NRIP3: variants seen among roughly 807,000 people sequenced by gnomAD.
NRIP3 encodes the protein nuclear receptor interacting protein 3.
In NRIP3, 31 loss-of-function variants were observed where a neutral mutation model predicts 29.0. That is an observed-to-expected ratio of 1.07 (90% confidence interval 0.80 to 1.44). The LOEUF (loss-of-function observed/expected upper bound fraction) is 1.44, where lower values mean the gene tolerates loss of function less well. Among genes scored for constraint, NRIP3 ranks in the 40% most tolerant of loss-of-function variants. The pLI is 0.00. For missense variants in NRIP3, 314 were observed against 297.9 expected (o/e 1.05, Z -0.40); for synonymous variants, 131 against 118.3 (o/e 1.11, Z -0.70).
In NRIP3 at chr11:9,003,822, C is replaced by A; in HGVS notation, c.114G>T (p.Lys38Asn). The A allele has an allele frequency of 6.6e-7, 1 of 1,521,204 alleles. No homozygotes were observed. Among genetic ancestry groups the A allele is most frequent in the African/African-American group, 1.4e-5 (1 of 69,642 alleles). 94.2% of individuals were successfully genotyped at this position (1,521,204 alleles called of 1,614,324 possible). Residue 38 changes from lysine (K) to asparagine (N), a missense_variant, in exon 1 of 7, where the codon AAG becomes AAT. Physicochemically the swap from Lys to Asn is moderately conservative, Grantham distance 94. Transcript: ENST00000309166. ...RMKQAVQFIHKDSADLLPLDG... is the reference protein window; with the variant it reads ...RMKQAVQFIHNDSADLLPLDG... ...CCAGGGGCAGCAGGTCGGCGGAGTC[C>A]TTGTGGATGAACTGCACCGCCTGCT...
At chr11:8,985,164 ATTT>A (rs35528175) in intron 4 of NRIP3, among the ~76,000 whole-genome samples, 2,083 of 79,330 alleles carry the variant, frequency 0.026, 65 homozygotes, top group African/African-American at 0.096. Flanking sequence ...TGCTCCTTGA[ATTT>A]TTTTTTTTTT....
chr11:8,994,870 CA>C (rs1854673854), intron 1 of NRIP3, among the ~76,000 whole-genome samples: 1 of 152,130 alleles, frequency 6.6e-6, no homozygotes, highest in African/African-American at 2.4e-5. Context: ...TATCTGTTTT[CA>C]TTGCATAAAT....
intron 2 of NRIP3, among the ~76,000 whole-genome samples, 166 bp from the exon 3 acceptor site, chr11:8,987,796 T>C (rs1266612626): frequency 6.6e-6 from 1 of 152,240 alleles, no homozygotes; most frequent in Non-Finnish European, 1.5e-5. Flanking sequence ...TGCCTTTGAC[T>C]GGCTCTTGTT....
intron 1 of NRIP3, among the ~76,000 whole-genome samples, chr11:8,989,975 T>G (rs754006248): frequency 5.3e-5 from 8 of 152,102 alleles, no homozygotes; most frequent in Admixed American, 3.9e-4. Context: ...TTGGTCTTGC[T>G]AAACACTTTA....
At chr11:8,987,708 T>C (rs1854540119) in intron 2 of NRIP3, 78 bp from the exon 3 acceptor site, 8 of 1,096,266 alleles carry the variant, frequency 7.3e-6, no homozygotes, top group Non-Finnish European at 1.1e-5. Context: ...AAGCAGCAGA[T>C]GTCATATGAA....
At chr11:8,989,790 A>C (rs1180277234) in intron 1 of NRIP3, among the ~76,000 whole-genome samples, 1 of 152,116 alleles carries the variant, frequency 6.6e-6, no homozygotes, top group African/African-American at 2.4e-5. Flanking sequence ...TCTCACCAAT[A>C]AGAATGGATT....
At chr11:9,001,873 C>T (rs886668885) in intron 1 of NRIP3, among the ~76,000 whole-genome samples, 3 of 144,520 alleles carry the variant, frequency 2.1e-5, no homozygotes, top group East Asian at 1.9e-4. Context: ...AACTCCATGA[C>T]GGTGGGGCAC....
chr11:8,987,751 G>A, intron 2 of NRIP3, 121 bp from the exon 3 acceptor site: 1 of 775,528 alleles, frequency 1.3e-6, no homozygotes. Flanking sequence ...CCCAATTATG[G>A]GTTATAGTGT....
chr11:9,002,222 G>T (rs1854816484), intron 1 of NRIP3, among the ~76,000 whole-genome samples: 1 of 152,102 alleles, frequency 6.6e-6, no homozygotes, highest in Admixed American at 6.5e-5. Context: ...CTTCTTTATT[G>T]ATTGCTGAGC....
chr11:9,001,937 T>C (rs964629344), intron 1 of NRIP3, among the ~76,000 whole-genome samples: 1 of 152,264 alleles, frequency 6.6e-6, no homozygotes, highest in African/African-American at 2.4e-5. Context: ...TGTGTATGTG[T>C]CATACTCAAG....
chr11:8,983,771 C>T, intron 6 of NRIP3, 104 bp downstream of exon 6: 2 of 1,059,732 alleles, frequency 1.9e-6, no homozygotes, highest in Non-Finnish European at 2.9e-6. Flanking sequence ...AATTGAAAGC[C>T]AAAGACAGGA....
chr11:8,984,273 A>AT (rs1854474134), intron 4 of NRIP3, 149 bp from the exon 5 acceptor site: 1 of 499,492 alleles, frequency 2.0e-6, no homozygotes, highest in Admixed American at 3.7e-5. Context: ...TTTTTTTTTT[A>AT]TTTTTTGAGA....
In NRIP3 at chr11:8,983,888, A is replaced by G; in HGVS notation, c.697T>C (p.Leu233=). ...EEIPFVETVS[L]NEDNTSEA ...TTGGGCACTCACTTGTCTTCATTCA[A>G]AGAGACTGTCTCCACAAAAGGGATT... is the stretch of plus-strand genomic sequence containing the variant. The change falls in exon 6 of 7, where the codon TTG becomes CTG. Residue 233 remains leucine, a synonymous_variant. Coordinates refer to ENST00000309166, the MANE Select transcript of NRIP3 (RefSeq NM_020645.3). 6.2e-7 allele frequency: 1 copy of G among 1,614,090 alleles called. No individual in the cohort carries two copies. Among genetic ancestry groups the G allele is most frequent in the Non-Finnish European group, 8.5e-7 (1 of 1,179,942 alleles).
At chr11:8,986,803 G>C (rs1854527996) in intron 3 of NRIP3, among the ~76,000 whole-genome samples, 1 of 152,166 alleles carries the variant, frequency 6.6e-6, no homozygotes, top group Admixed American at 6.5e-5. Context: ...CAGATTGCTT[G>C]AGCCCAGGAG....
rs2742471 is a variant in NRIP3 at position 8,982,406 on chromosome 11, C to T, written c.*1139G>A. On this transcript the variant is annotated 3_prime_UTR_variant, in exon 7 of 7. Transcript: ENST00000309166. ...TTATCTAGATAGGCCTCTCCACCAA[C>T]TGATTCTACTCAGTCTACTCCCTTC... 0.57 allele frequency: 86,597 copies of T among 152,336 alleles called. 24,801 individuals are homozygous for T. The highest frequency in any genetic ancestry group is 0.77 in the South Asian group (3,695 of 4,830). The allele number at this position is 152,336 out of a possible 1,614,324, so 9.4% of individuals were successfully genotyped here. A position where few individuals can be genotyped will look rare whatever the true frequency, so the allele number is the denominator to read the frequency against.
In NRIP3 at chr11:8,985,783, C is replaced by G; in HGVS notation, c.490G>C (p.Val164Leu). 1 of 1,614,150 alleles carries G rather than the reference C, an allele frequency of 6.2e-7. No individual in the cohort carries two copies. Among genetic ancestry groups the G allele is most frequent in the Non-Finnish European group, 8.5e-7 (1 of 1,180,032 alleles). The change falls in exon 4 of 7, where the codon GTA (valine) becomes CTA (leucine). Residue 164 changes from valine (V) to leucine (L), a missense_variant. By Grantham distance (32) the Val-to-Leu change is conservative. Transcript: ENST00000309166. ...EKLSLPRHLK[V>L]VGQIEHLVIT... ...ACTAGGTGCTCAATCTGGCCCACTA[C>G]TTTGAGATGCCGGGGTAGAGAAAGC...
Position 9,003,940 on chromosome 11 carries a change from G to C in NRIP3, c.-5C>G. ...GAGGAGCCCTGAGTAAAACATCGCT[G>C]AGGCGCCGGCGGCCCGGTAGCCCAC... On this transcript the variant is annotated 5_prime_UTR_variant, in exon 1 of 7. Coordinates refer to ENST00000309166, the MANE Select transcript of NRIP3 (RefSeq NM_020645.3). The C allele has an allele frequency of 6.7e-7, 1 of 1,483,942 alleles. No homozygotes were observed. The highest frequency in any genetic ancestry group is 1.3e-5 in the South Asian group (1 of 78,408). 91.9% of individuals were successfully genotyped at this position (1,483,942 alleles called of 1,614,324 possible).
chr11:8,998,899 T>A (rs1237551787), intron 1 of NRIP3, among the ~76,000 whole-genome samples: 1 of 144,402 alleles, frequency 6.9e-6, no homozygotes, highest in Non-Finnish European at 1.5e-5. Context: ...GTTCACACCA[T>A]TCTCCTGCCT....
intron 1 of NRIP3, among the ~76,000 whole-genome samples, chr11:8,995,726 C>A (rs559503255): frequency 2.0e-5 from 3 of 152,276 alleles, no homozygotes; most frequent in Non-Finnish European, 2.9e-5. Context: ...TACTCAAAAC[C>A]CTTCAATGGC....
Sources: allele counts gnomAD v4.1 joint callset (sites outside exome capture counted in the v4.1 genomes callset), GRCh38; gene constraint gnomAD v4.1.1; transcripts MANE v1.5; gene names NCBI Gene and HGNC (gene_info 2026-07-23, HGNC 2026-07-21).